The following LSP1 variants were observed in gnomAD, a reference collection of about 807,000 sequenced individuals.
The protein encoded by LSP1 is lymphocyte specific protein 1.
A neutral mutation model predicts 49.3 loss-of-function variants in LSP1; 32 were observed. That is an observed-to-expected ratio of 0.65 (90% CI 0.49 to 0.87). The LOEUF (loss-of-function observed/expected upper bound fraction) is 0.87. LSP1 is among the 40% of genes least tolerant of loss of function. The probability of loss-of-function intolerance (pLI) is 0.00; values close to 1 mark genes in which losing one functional copy is unlikely to be tolerated. For synonymous variants in LSP1, 179 were observed against 178.8 expected, an observed-to-expected ratio of 1.00 and a Z score of -0.01; for missense variants, 428 against 442.6, an observed-to-expected ratio of 0.97 and a Z score of 0.30.
chr11:1,868,884 AC>A (rs1424790945), intron 1 of LSP1: 1 of 985,648 alleles, frequency 1.0e-6, no homozygotes, highest in Non-Finnish European at 1.2e-6. Context: ...TGGGCACTCG[AC>A]CCCCAGATGC....
chr11:1,881,719 G>A (rs1848554583), intron 3 of LSP1, 123 bp downstream of exon 3: 1 of 1,150,124 alleles, frequency 8.7e-7, no homozygotes, highest in Admixed American at 3.4e-5. Context: ...GCAGAGCAGG[G>A]CACCGCGGAG....
intron 3 of LSP1, among the ~76,000 whole-genome samples, chr11:1,881,826 C>T (rs1446163335): frequency 6.6e-6 from 1 of 152,070 alleles, no homozygotes; most frequent in African/African-American, 2.4e-5. Flanking sequence ...AAGGGGGAGA[C>T]AGGAGGGGAG....
chr11:1,865,474 G>A (rs1416104528), intron 1 of LSP1, among the ~76,000 whole-genome samples: 1 of 151,932 alleles, frequency 6.6e-6, no homozygotes, highest in Non-Finnish European at 1.5e-5. Context: ...CCTGGCAGCT[G>A]CCCATGCATT....
At chr11:1,881,178 C>G (rs1848522615) in intron 2 of LSP1, 2 of 438,154 alleles carry the variant, frequency 4.6e-6, no homozygotes, top group Non-Finnish European at 8.2e-6. Context: ...AGGCATAGCC[C>G]TGCTGAGCCT....
chr11:1,878,289 G>A (rs1020291297), intron 1 of LSP1, among the ~76,000 whole-genome samples: 19 of 152,226 alleles, frequency 1.2e-4, no homozygotes, highest in African/African-American at 4.3e-4. Context: ...GGGCCCCTGC[G>A]CCCCAGGCTC....
At chr11:1,853,240 C>A (rs200006931) in intron 1 of LSP1, 43 bp downstream of exon 1, 8 of 1,590,020 alleles carry the variant, frequency 5.0e-6, no homozygotes, top group Non-Finnish European at 6.8e-6. Flanking sequence ...GCCGTGTCCA[C>A]GGGTGCATAG....
chr11:1,869,410 G>C (rs1426353431), intron 1 of LSP1, among the ~76,000 whole-genome samples: 1 of 152,118 alleles, frequency 6.6e-6, no homozygotes, highest in Non-Finnish European at 1.5e-5. Context: ...AAAATGCTGA[G>C]AGGGAGGGAG....
rs770909441 is a variant in LSP1 at position 1,853,209 on chromosome 11, C to T, written c.53+12C>T. The T allele has an allele frequency of 3.2e-5, 51 of 1,605,228 alleles. No individual in the cohort carries two copies. Among genetic ancestry groups the T allele is most frequent in the African/African-American group, 8.0e-5 (6 of 74,888 alleles). ...GAAGAGTTGCTGGGGTAAGGGTCTG[C>T]GGCGACGCCCGGCGCCCTGTGCCGT... On this transcript the variant is annotated intron_variant, in intron 1 of 10. Transcript: ENST00000311604.
chr11:1,875,846 G>T (rs1012515560), intron 1 of LSP1, among the ~76,000 whole-genome samples: 2 of 152,188 alleles, frequency 1.3e-5, no homozygotes, highest in African/African-American at 4.8e-5. Flanking sequence ...GCTGGCCCCG[G>T]GCTGTCTCTG....
At chr11:1,878,890 C>G (rs1213775266) in intron 1 of LSP1, among the ~76,000 whole-genome samples, 1 of 152,072 alleles carries the variant, frequency 6.6e-6, no homozygotes, top group Non-Finnish European at 1.5e-5. Context: ...TCTGCAGGAC[C>G]TGGACCATCT....
intron 1 of LSP1, chr11:1,866,386 G>T: frequency 8.3e-7 from 1 of 1,203,242 alleles, no homozygotes; most frequent in Non-Finnish European, 1.1e-6. Flanking sequence ...CCATGGGGGT[G>T]AGCTAAGTGG....
At chr11:1,879,472 C>A (rs1217197565) in intron 1 of LSP1, among the ~76,000 whole-genome samples, 2 of 152,232 alleles carry the variant, frequency 1.3e-5, no homozygotes, top group Non-Finnish European at 2.9e-5. Flanking sequence ...CAGGCAGGAC[C>A]CATGAGTCTG....
At chr11:1,853,278 CTGAGGTGCCTGA>C in intron 1 of LSP1, 81 bp downstream of exon 1, 1 of 1,437,590 alleles carries the variant, frequency 7.0e-7, no homozygotes, top group Non-Finnish European at 9.3e-7. Context: ...GGGTGGAGAA[CTGAGGTGCCTGA>C]TGGGGAATCT....
intron 1 of LSP1, among the ~76,000 whole-genome samples, chr11:1,858,573 C>A (rs1269498259): frequency 6.6e-6 from 1 of 152,196 alleles, no homozygotes. Flanking sequence ...TTTCCACATG[C>A]GCTGAGGCAG....
At chr11:1,861,747 A>G (rs568876786) in intron 1 of LSP1, among the ~76,000 whole-genome samples, 192 of 140,454 alleles carry the variant, frequency 1.4e-3, no homozygotes, top group African/African-American at 4.8e-3. Flanking sequence ...GGATTGGTGG[A>G]TGAGTGGATG....
chr11:1,854,298 C>T (rs1349542724), intron 1 of LSP1, among the ~76,000 whole-genome samples: 1 of 151,960 alleles, frequency 6.6e-6, no homozygotes, highest in Non-Finnish European at 1.5e-5. Context: ...GAGAGGAGGC[C>T]CAGGGTGACG....
At chr11:1,878,541 T>TG (rs1848407318) in intron 1 of LSP1, among the ~76,000 whole-genome samples, 1 of 150,028 alleles carries the variant, frequency 6.7e-6, no homozygotes, top group African/African-American at 2.5e-5. Context: ...GTGGCTTCGG[T>TG]GGGGGGAGTG....
intron 1 of LSP1, among the ~76,000 whole-genome samples, chr11:1,864,787 G>A (rs375698776): frequency 1.3e-5 from 2 of 151,662 alleles, no homozygotes; most frequent in South Asian, 4.2e-4. Flanking sequence ...GCAGACCCTC[G>A]TGCCAGGAGC....
intron 10 of LSP1, chr11:1,891,239 C>G (rs184722134): frequency 3.1e-4 from 48 of 152,580 alleles, no homozygotes; most frequent in African/African-American, 1.0e-3. Context: ...CCCGGCCAAG[C>G]CGCCCACCCT....
Sources: allele counts gnomAD v4.1 joint callset (sites outside exome capture counted in the v4.1 genomes callset), GRCh38; gene constraint gnomAD v4.1.1; transcripts MANE v1.5; gene names NCBI Gene and HGNC (gene_info 2026-07-23, HGNC 2026-07-21).